The following SLC6A4 variants were observed in gnomAD, a reference collection of about 807,000 sequenced individuals.
SLC6A4 encodes the protein sodium-dependent serotonin transporter.
SLC6A4 carries 22 observed loss-of-function variants against 73.4 expected under a neutral mutation model. That is an observed-to-expected ratio of 0.30 (90% CI 0.21 to 0.43). The LOEUF is 0.43. Ranked by LOEUF, SLC6A4 falls within the 20% of genes least tolerant of loss-of-function variation. The pLI is 1.00. For synonymous variants in SLC6A4, 270 were observed against 315.5 expected (o/e 0.86, Z 1.53); for missense variants, 593 against 808.5 (o/e 0.73, Z 3.23).
intron 13 of SLC6A4, chr17:30,204,456 G>A (rs1906127621): frequency 6.6e-6 from 1 of 152,008 alleles, no homozygotes; most frequent in African/African-American, 2.4e-5. Flanking sequence ...CCCCAGAGCC[G>A]GCTATGAAGA....
intron 1 of SLC6A4, among the ~76,000 whole-genome samples, chr17:30,232,071 G>C (rs757704768): frequency 2.0e-5 from 3 of 152,168 alleles, no homozygotes; most frequent in Non-Finnish European, 2.9e-5. Flanking sequence ...AGAGGAAAAA[G>C]TTCCCTTAGA....
chr17:30,199,782 C>T (rs761565574), intron 14 of SLC6A4, among the ~76,000 whole-genome samples: 3 of 152,122 alleles, frequency 2.0e-5, no homozygotes, highest in Non-Finnish European at 4.4e-5. Context: ...TGCCGAGTCA[C>T]GGAAAGCAAC....
intron 13 of SLC6A4, among the ~76,000 whole-genome samples, chr17:30,205,268 G>A (rs1906155887): frequency 6.6e-6 from 1 of 152,096 alleles, no homozygotes; most frequent in African/African-American, 2.4e-5. Context: ...CACAGTGAAT[G>A]TTTCACTTGC....
At chr17:30,202,053 C>T (rs1416166510) in intron 14 of SLC6A4, among the ~76,000 whole-genome samples, 1 of 152,160 alleles carries the variant, frequency 6.6e-6, no homozygotes. Flanking sequence ...GATTATACCA[C>T]TGCACTCCAG....
At chr17:30,225,985 C>T (rs549017741) in intron 1 of SLC6A4, among the ~76,000 whole-genome samples, 1 of 152,296 alleles carries the variant, frequency 6.6e-6, no homozygotes, top group South Asian at 2.1e-4. Flanking sequence ...TGTAATTATC[C>T]CGATTGGTCA....
At chr17:30,216,249 C>G in intron 6 of SLC6A4, 33 bp from the exon 7 acceptor site, 1 of 1,179,344 alleles carries the variant, frequency 8.5e-7, no homozygotes, top group South Asian at 1.5e-5. Context: ...CCATGCTGTT[C>G]CAGGGAGGGG....
intron 14 of SLC6A4, among the ~76,000 whole-genome samples, chr17:30,199,656 G>A (rs751757958): frequency 2.4e-4 from 36 of 152,226 alleles, no homozygotes; most frequent in Non-Finnish European, 5.1e-4. Context: ...TGCTCCTCAT[G>A]ACCTTAGTAT....
At chr17:30,223,573 A>AT (rs1906836918) in intron 1 of SLC6A4, among the ~76,000 whole-genome samples, 2 of 152,208 alleles carry the variant, frequency 1.3e-5, no homozygotes, top group Admixed American at 6.5e-5. Context: ...CGTTTGCTGC[A>AT]TTTTTTCTGT....
intron 12 of SLC6A4, among the ~76,000 whole-genome samples, chr17:30,208,475 T>A (rs922997404): frequency 6.6e-6 from 1 of 151,996 alleles, no homozygotes; most frequent in Non-Finnish European, 1.5e-5. Context: ...TGTGGTTGCT[T>A]CCCCGAGAGG....
intron 13 of SLC6A4, among the ~76,000 whole-genome samples, chr17:30,204,793 C>T (rs1034048848): frequency 6.6e-6 from 1 of 152,120 alleles, no homozygotes; most frequent in Non-Finnish European, 1.5e-5. Context: ...GGCACTAGGG[C>T]ACTTGGCTGT....
At chr17:30,234,437 T>A (rs2020935) in intron 1 of SLC6A4, among the ~76,000 whole-genome samples, 15,200 of 152,170 alleles carry the variant, frequency 0.1, 1,172 homozygotes, top group African/African-American at 0.21. Context: ...TTCTCACTCA[T>A]CCATATTGGA....
Position 30,211,477 on chromosome 17 carries a change from G to C in SLC6A4, c.1205-53C>G. The stretch of plus-strand genomic sequence containing the variant: ...TGGTTGACAAGACCTGTCCTACAAA[G>C]ATGTCACAGAGGAAAACTCAGCCAC... On this transcript the variant is annotated intron_variant, in intron 9 of 14. Coordinates refer to ENST00000650711, the MANE Select transcript of SLC6A4 (RefSeq NM_001045.6). This position sits in a 1 kb window ranked among gnomAD's most constrained non-coding sequence, Gnocchi z 4.0. 9.0e-7 allele frequency: 1 copy of C among 1,107,618 alleles called. No individual in the cohort carries two copies. Among genetic ancestry groups the C allele is most frequent in the South Asian group, 1.2e-5 (1 of 80,412 alleles). The allele number at this position is 1,107,618 out of a possible 1,614,324, so 68.6% of individuals were successfully genotyped here.
At chr17:30,228,304 A>T (rs1906987360) in intron 1 of SLC6A4, among the ~76,000 whole-genome samples, 1 of 152,212 alleles carries the variant, frequency 6.6e-6, no homozygotes, top group Non-Finnish European at 1.5e-5. Flanking sequence ...TGTCGTGGGA[A>T]TTAAAGTATG....
At chr17:30,216,761 C>T (rs578224019) in intron 6 of SLC6A4, among the ~76,000 whole-genome samples, 1 of 152,028 alleles carries the variant, frequency 6.6e-6, no homozygotes, top group African/African-American at 2.4e-5. Flanking sequence ...CTCCACCTCC[C>T]AGGTTCAAGT....
Position 30,212,855 on chromosome 17 carries a change from C to T in SLC6A4, c.1089G>A (p.Val363=). ...TCGTCATGCAGTTCACCACGCTGGT[C>T]ACCAGGGCATCTCTGGAGGGGAAAA... The part of the protein sequence containing the change: ...FNNNCYQDAL[V]TSVVNCMTSF... Residue 363 remains valine (V), a synonymous_variant, in exon 9 of 15, where the codon GTG becomes GTA. Transcript: ENST00000650711. 6.2e-7 allele frequency: 1 copy of T among 1,614,100 alleles called. No individual in the cohort carries two copies. The highest frequency in any genetic ancestry group is 8.5e-7 in the Non-Finnish European group (1 of 1,180,014).
chr17:30,212,937 T>C (rs1906434367), intron 8 of SLC6A4, 70 bp from the exon 9 acceptor site: 1 of 1,554,812 alleles, frequency 6.4e-7, no homozygotes, highest in Admixed American at 1.8e-5. Context: ...CATCTGTCCG[T>C]GTGCCTGCCC....
chr17:30,231,169 G>A (rs921873735), intron 1 of SLC6A4, among the ~76,000 whole-genome samples: 1 of 152,040 alleles, frequency 6.6e-6, no homozygotes, highest in African/African-American at 2.4e-5. Flanking sequence ...CTGTGGTTAC[G>A]TACAAGAAGG....
At chr17:30,234,053 C>T (rs1435085621) in intron 1 of SLC6A4, among the ~76,000 whole-genome samples, 1 of 152,112 alleles carries the variant, frequency 6.6e-6, no homozygotes, top group Admixed American at 6.5e-5. Context: ...GGCACCTCAC[C>T]TATTTGCGAA....
At position 30,230,146 on chromosome 17, in the gene SLC6A4, G is replaced by GGAGGAGGAGGAA. The variant is rs1555591489; in HGVS notation, c.-221+5466_-221+5467insTTCCTCCTCCTC. Among the ~76,000 whole-genome samples, 499 of 129,224 alleles carry GGAGGAGGAGGAA rather than the reference G, an allele frequency of 3.9e-3. 4 individuals are homozygous for GGAGGAGGAGGAA. The highest frequency in any genetic ancestry group is 9.6e-3 in the African/African-American group (345 of 35,778). The allele number at this position is 129,224 out of a possible 152,430, so 84.8% of individuals were successfully genotyped here. ...AAGAGGAGGAGGAGGAGGAGGAGGA[G>GGAGGAGGAGGAA]GAGGAAGAGGAAGAGGAAGAAGAAG... is the stretch of plus-strand genomic sequence containing the variant. On this transcript the variant is annotated intron_variant, in intron 1 of 14. Coordinates refer to ENST00000650711, the MANE Select transcript of SLC6A4 (RefSeq NM_001045.6).
Sources: allele counts gnomAD v4.1 joint callset (sites outside exome capture counted in the v4.1 genomes callset), GRCh38; gene constraint gnomAD v4.1.1; non-coding constraint Gnocchi (gnomAD v3.1); transcripts MANE v1.5; gene names NCBI Gene and HGNC (gene_info 2026-07-23, HGNC 2026-07-21).